Variants in OGN observed in about 807,000 individuals in gnomAD.
OGN encodes osteoglycin, also known as mimecan.
Under a neutral mutation model 30.8 loss-of-function variants are expected in OGN, and 19 were observed. The ratio of observed to expected loss-of-function variants is 0.62; its 90% CI spans 0.43 to 0.90. OGN has a LOEUF of 0.90. OGN is among the 40% of genes least tolerant of loss of function. The pLI is 0.00. For missense variants in OGN, 283 were observed against 349.7 expected (o/e 0.81, Z 1.52); for synonymous variants, 126 against 128.3 (o/e 0.98, Z 0.12).
At chr9:92,398,594 T>G (rs906818967) in intron 3 of OGN, among the ~76,000 whole-genome samples, 1 of 152,198 alleles carries the variant, frequency 6.6e-6, no homozygotes, top group African/African-American at 2.4e-5. Flanking sequence ...TGTTAGTTCT[T>G]AGAGATCTTC....
intron 2 of OGN, among the ~76,000 whole-genome samples, chr9:92,401,826 A>C (rs1316441964): frequency 6.6e-6 from 1 of 152,062 alleles, no homozygotes; most frequent in African/African-American, 2.4e-5. Flanking sequence ...CTTGGAGAGT[A>C]CGTTTTCTGC....
At chr9:92,391,216 G>A (rs1439638348) in intron 4 of OGN, among the ~76,000 whole-genome samples, 1 of 149,214 alleles carries the variant, frequency 6.7e-6, no homozygotes, top group South Asian at 2.1e-4. Context: ...CTAACACGGT[G>A]AAACCCCATC....
chr9:92,398,280 A>C (rs1474779598), intron 3 of OGN, among the ~76,000 whole-genome samples: 2 of 152,136 alleles, frequency 1.3e-5, no homozygotes, highest in Non-Finnish European at 2.9e-5. Context: ...TTATGTTTGT[A>C]TTCCAATTTG....
intron 3 of OGN, among the ~76,000 whole-genome samples, chr9:92,393,561 TAA>T (rs1842774520): frequency 6.6e-6 from 1 of 152,190 alleles, no homozygotes; most frequent in African/African-American, 2.4e-5. Context: ...CTTGACTTAT[TAA>T]GTTTAATGTG....
chr9:92,404,456 A>G (rs1843242310), intron 1 of OGN, 40 bp downstream of exon 1: 1 of 1,220,908 alleles, frequency 8.2e-7, no homozygotes, highest in Admixed American at 3.3e-5. Context: ...TCGCACTTTA[A>G]CAAACAATAT....
intron 5 of OGN, among the ~76,000 whole-genome samples, chr9:92,388,550 A>C (rs953688226): frequency 9.9e-5 from 15 of 151,968 alleles, no homozygotes; most frequent in African/African-American, 4.8e-5. Flanking sequence ...TTTAAAACAA[A>C]AAAAAAAAGG....
In OGN at chr9:92,386,203, G is replaced by T; in HGVS notation, c.724C>A (p.Gln242Lys). The T allele has an allele frequency of 1.3e-6, 2 of 1,596,480 alleles. No homozygotes were observed. The highest frequency in any genetic ancestry group is 2.2e-5 in the South Asian group (2 of 90,664). Residue 242 changes from glutamine to lysine, a missense_variant and splice_region_variant, in exon 6 of 7, where the codon CAG (glutamine) becomes AAG (lysine). Transcript: ENST00000375561. ...LPESLRVIHLQFNNIASITDD... is the reference protein window; with the variant it reads ...LPESLRVIHLKFNNIASITDD... ...TATTGTGAAAGGAACTATCATACCT[G>T]AAGATGAATTACACGTAGACTTTCT...
At position 92,401,109 on chromosome 9, in the gene OGN, G is replaced by T. The variant is rs1843093106; in HGVS notation, c.251C>A (p.Pro84His). The part of the protein sequence containing the change: ...QKDEAITPLP[P>H]KKENDEMPTC... The stretch of plus-strand genomic sequence containing the variant: ...ATACTTACCATCATTTTCTTTCTTG[G>T]GAGGTAATGGTGTTATTGCCTCATC... The change falls in exon 3 of 7, where the codon CCC (proline) becomes CAC (histidine). Residue 84 changes from proline (P) to histidine (H), a missense_variant. Pro to His is a moderately conservative substitution (Grantham distance 77, BLOSUM62 -2). Transcript: ENST00000375561. The T allele has an allele frequency of 6.8e-7, 1 of 1,478,040 alleles. No homozygotes were observed. The highest frequency in any genetic ancestry group is 9.4e-7 in the Non-Finnish European group (1 of 1,060,754). 91.6% of individuals were successfully genotyped at this position (1,478,040 alleles called of 1,614,324 possible).
Position 92,403,315 on chromosome 9 carries a change from A to G in OGN, c.93T>C (p.Tyr31=). The G allele has an allele frequency of 6.2e-7, 1 of 1,613,120 alleles. No homozygotes were observed. The highest frequency in any genetic ancestry group is 8.5e-7 in the Non-Finnish European group (1 of 1,179,234). Residue 31 remains tyrosine (Y), a synonymous_variant, in exon 2 of 7, where the codon TAT becomes TAC. Transcript: ENST00000375561. ...CTTCAAAATTATCTGTTCCATAATC[A>G]TAGATAATGCGTGAGTCCTGCTGGG... The part of the protein sequence containing the change: ...PPTQQDSRII[Y]DYGTDNFEES...
intron 3 of OGN, 34 bp from the exon 4 acceptor site, chr9:92,393,278 A>G: frequency 6.5e-7 from 1 of 1,535,196 alleles, no homozygotes; most frequent in Non-Finnish European, 8.8e-7. Context: ...AAATATGAAC[A>G]ATCGTTTGAA....
chr9:92,396,575 T>G (rs940911441), intron 3 of OGN, among the ~76,000 whole-genome samples: 1 of 151,936 alleles, frequency 6.6e-6, no homozygotes, highest in Non-Finnish European at 1.5e-5. Context: ...TTTATTTTTT[T>G]TTTTTTGAGA....
At chr9:92,388,003 A>G (rs930856700) in intron 5 of OGN, among the ~76,000 whole-genome samples, 4 of 151,796 alleles carry the variant, frequency 2.6e-5, no homozygotes, top group East Asian at 1.9e-4. Flanking sequence ...AGCTCAGGCA[A>G]TCTGCCCGCC....
chr9:92,388,410 C>A (rs147190248), intron 5 of OGN, among the ~76,000 whole-genome samples: 9 of 152,162 alleles, frequency 5.9e-5, no homozygotes, highest in Non-Finnish European at 1.0e-4. Context: ...GATCCGCCTG[C>A]CTCATCCTCC....
In OGN at chr9:92,386,794, G is replaced by T. The variant is rs559492370; in HGVS notation, c.631-498C>A. 5.1e-4 allele frequency among the ~76,000 whole-genome samples: 78 copies of T among 152,174 alleles called. 1 individual carries two copies. The Middle Eastern group carries it at 0.014, about 27-fold the overall frequency. On this transcript the variant is annotated intron_variant, in intron 5 of 6. Transcript: ENST00000375561. Reference sequence around the variant, plus strand: ...AGACGAGGTTTCACCATGTTGGCTGGTATGGTATCGATTTCCTGACCTCGT... The same window carrying T: ...AGACGAGGTTTCACCATGTTGGCTGTTATGGTATCGATTTCCTGACCTCGT...
At chr9:92,385,836 C>T in intron 6 of OGN, 46 bp from the exon 7 acceptor site, 2 of 1,587,722 alleles carry the variant, frequency 1.3e-6, no homozygotes, top group Non-Finnish European at 1.7e-6. Context: ...TGAAATCAAC[C>T]TTTCATATGC....
At chr9:92,386,496 A>C (rs1269452367) in intron 5 of OGN, among the ~76,000 whole-genome samples, 200 bp from the exon 6 acceptor site, 2 of 151,718 alleles carry the variant, frequency 1.3e-5, no homozygotes. Flanking sequence ...GTGTATTTTG[A>C]TCCTTTATGA....
rs559362878 is a variant in OGN at position 92,390,055 on chromosome 9, A to G, written c.429T>C (p.Pro143=). 1.4e-5 allele frequency: 21 copies of G among 1,539,200 alleles called. No homozygotes were observed. In the South Asian group the frequency reaches 2.2e-4, roughly 16 times the overall value. The change falls in exon 5 of 7, where the codon CCT becomes CCC. Residue 143 remains proline (P), a splice_region_variant and synonymous_variant. Transcript: ENST00000375561. ...KLTAKDFADI[P]NLRRLDFTGN... ...CTGTAAAATCGAGTCTTCTTAAGTT[A>G]GCTAGAGGGAAAAAAATATAAAAAA... is the stretch of plus-strand genomic sequence containing the variant.
intron 5 of OGN, 198 bp downstream of exon 5, chr9:92,389,656 G>A (rs1320868411): frequency 2.3e-6 from 1 of 443,772 alleles, no homozygotes; most frequent in Non-Finnish European, 4.0e-6. Flanking sequence ...TAAAGGTTAT[G>A]TATTTTAACT....
intron 3 of OGN, among the ~76,000 whole-genome samples, chr9:92,395,806 A>G (rs768714065): frequency 4.7e-5 from 7 of 149,898 alleles, no homozygotes; most frequent in Non-Finnish European, 1.0e-4. Flanking sequence ...GCATCCATAT[A>G]TTTGATGACT....
Sources: allele counts gnomAD v4.1 joint callset (sites outside exome capture counted in the v4.1 genomes callset), GRCh38; gene constraint gnomAD v4.1.1; transcripts MANE v1.5; gene names NCBI Gene and HGNC (gene_info 2026-07-23, HGNC 2026-07-21).